EPS15: variants seen among roughly 807,000 people sequenced by gnomAD.
EPS15 encodes epidermal growth factor receptor pathway substrate 15.
In EPS15, 72 loss-of-function variants were observed where a neutral mutation model predicts 113.8. The observed-to-expected ratio is 0.63, with a 90% confidence interval of 0.52 to 0.77. The LOEUF (loss-of-function observed/expected upper bound fraction) is 0.77. Among genes scored for constraint, EPS15 ranks in the 30% least tolerant of loss-of-function variants. The probability of loss-of-function intolerance (pLI) is 0.00; values close to 1 mark genes in which losing one functional copy is unlikely to be tolerated. For missense variants in EPS15, 1,048 were observed against 1,045.8 expected (o/e 1.00, Z -0.03); for synonymous variants, 344 against 363.4 (o/e 0.95, Z 0.61).
At chr1:51,366,309 C>T (rs1278164205) in intron 21 of EPS15, among the ~76,000 whole-genome samples, 1 of 152,164 alleles carries the variant, frequency 6.6e-6, no homozygotes, top group East Asian at 1.9e-4. Context: ...TTCAAGTGAT[C>T]CTCCTGCCTC....
At chr1:51,447,997 T>C (rs1311482097) in intron 9 of EPS15, 49 bp downstream of exon 9, 2 of 1,600,790 alleles carry the variant, frequency 1.2e-6, no homozygotes, top group Admixed American at 1.7e-5. Context: ...TAAGATTCCT[T>C]GGCTGATGCT....
chr1:51,394,910 T>C (rs1326007739), intron 20 of EPS15, among the ~76,000 whole-genome samples: 3 of 152,176 alleles, frequency 2.0e-5, no homozygotes, highest in Admixed American at 2.0e-4. Flanking sequence ...CCAGCTGGAA[T>C]GCAGTGGTGT....
intron 24 of EPS15, among the ~76,000 whole-genome samples, chr1:51,359,440 C>CT (rs1456168881): frequency 2.2e-5 from 2 of 92,318 alleles, no homozygotes; most frequent in African/African-American, 4.3e-5. Context: ...AAGACTCTGT[C>CT]TTTAAAAAAA....
At position 51,368,676 on chromosome 1, in the gene EPS15, C is replaced by T. The variant is rs1357502550; in HGVS notation, c.2120-2647G>A. On this transcript the variant is annotated intron_variant, in intron 21 of 24. Coordinates refer to ENST00000371733, the MANE Select transcript of EPS15 (RefSeq NM_001981.3). ...GCAGTGGCACGATCTCGGCTCACTG[C>T]AACCTCTGCCTCCCAGATTCAAGTG... is the stretch of plus-strand genomic sequence containing the variant. 2.0e-5 allele frequency among the ~76,000 whole-genome samples: 3 copies of T among 151,378 alleles called. No individual in the cohort carries two copies. In the East Asian group the frequency reaches 5.8e-4, roughly 29 times the overall value.
intron 15 of EPS15, 61 bp from the exon 16 acceptor site, chr1:51,406,169 A>T: frequency 2.1e-6 from 3 of 1,432,750 alleles, no homozygotes; most frequent in South Asian, 2.5e-5. Flanking sequence ...TGTAACATAA[A>T]AACGCCCTCC....
At chr1:51,456,837 A>G (rs1312761307) in intron 8 of EPS15, among the ~76,000 whole-genome samples, 1 of 152,244 alleles carries the variant, frequency 6.6e-6, no homozygotes, top group Non-Finnish European at 1.5e-5. Context: ...AAAAGGATAA[A>G]GAAAGATTTA....
chr1:51,405,219 T>C (rs966896381), intron 16 of EPS15, among the ~76,000 whole-genome samples: 3 of 152,206 alleles, frequency 2.0e-5, no homozygotes, highest in Non-Finnish European at 4.4e-5. Flanking sequence ...CTGAGGTCTC[T>C]TGTCTCTGTA....
chr1:51,477,157 A>T (rs143115886), intron 2 of EPS15, among the ~76,000 whole-genome samples: 2,137 of 152,098 alleles, frequency 0.014, 52 homozygotes, highest in African/African-American at 0.049. Context: ...ATTCAGAGAT[A>T]CAACTTCTTC....
chr1:51,408,208 C>A lies in EPS15; in HGVS notation c.1400G>T (p.Ser467Ile), dbSNP rs778788955. The A allele has an allele frequency of 3.1e-6, 5 of 1,613,996 alleles. No homozygotes were observed. Among genetic ancestry groups the A allele is most frequent in the Non-Finnish European group, 4.2e-6 (5 of 1,179,968 alleles). ...CAACTGAGCCTTCCCTGACTCTACA[C>A]TCTCCTCCAATTCTGCTGTTTCTTG... ...LQQETAELEE[S>I]VESGKAQLEP... Residue 467 changes from serine to isoleucine, a missense_variant, in exon 15 of 25, where the codon AGT (serine) becomes ATT (isoleucine). By Grantham distance (142) the Ser-to-Ile change is moderately radical (BLOSUM62 -2). Transcript: ENST00000371733.
At chr1:51,440,613 T>C (rs1026843727) in intron 11 of EPS15, among the ~76,000 whole-genome samples, 181 bp from the exon 12 acceptor site, 1 of 152,130 alleles carries the variant, frequency 6.6e-6, no homozygotes, top group Admixed American at 6.5e-5. Flanking sequence ...CTTAATTATA[T>C]AGTAAGACAT....
At chr1:51,517,964 T>C (rs1470429224) in intron 1 of EPS15, among the ~76,000 whole-genome samples, 2 of 152,182 alleles carry the variant, frequency 1.3e-5, no homozygotes, top group Non-Finnish European at 2.9e-5. Flanking sequence ...GCCGAAATGT[T>C]TGCCCTATCC....
At chr1:51,419,213 A>G (rs183569622) in intron 13 of EPS15, among the ~76,000 whole-genome samples, 22 of 152,280 alleles carry the variant, frequency 1.4e-4, no homozygotes, top group African/African-American at 5.1e-4. Context: ...CCACTGGTAT[A>G]TATCTCATAC....
chr1:51,516,632 T>A (rs1644723078), intron 1 of EPS15, among the ~76,000 whole-genome samples: 1 of 152,156 alleles, frequency 6.6e-6, no homozygotes, highest in Non-Finnish European at 1.5e-5. Context: ...ATTTTTCACA[T>A]TTTTTCCCCA....
chr1:51,463,443 G>T (rs572704336), intron 7 of EPS15: 2 of 368,172 alleles, frequency 5.4e-6, no homozygotes, highest in East Asian at 4.7e-5. Context: ...TACTTAAGGG[G>T]CTTACATATG....
chr1:51,456,057 C>T (rs1168985533), intron 8 of EPS15, among the ~76,000 whole-genome samples: 1 of 151,970 alleles, frequency 6.6e-6, no homozygotes, highest in Non-Finnish European at 1.5e-5. Context: ...AAACAAGGGC[C>T]ATTCATCAAA....
At chr1:51,372,530 A>G (rs1352080359) in intron 21 of EPS15, 1 of 530,750 alleles carries the variant, frequency 1.9e-6, no homozygotes, top group Non-Finnish European at 3.8e-6. Context: ...ATGCCAAAGA[A>G]TAGTTGGGTG....
At chr1:51,363,024 G>GATTA (rs1414899236) in intron 23 of EPS15, among the ~76,000 whole-genome samples, 12 of 152,112 alleles carry the variant, frequency 7.9e-5, no homozygotes, top group Admixed American at 6.6e-5. Context: ...TTGGCCAGGT[G>GATTA]CAGTGGCTCA....
chr1:51,442,075 G>GA (rs1376542898), intron 11 of EPS15, among the ~76,000 whole-genome samples: 1 of 152,028 alleles, frequency 6.6e-6, no homozygotes, highest in Non-Finnish European at 1.5e-5. Context: ...AGCTTTGTAT[G>GA]AAATATACCT....
Position 51,362,813 on chromosome 1 carries a change from A to T in EPS15, c.2359+1053T>A, listed in dbSNP as rs74080566. Among the ~76,000 whole-genome samples the T allele has an allele frequency of 8.6e-3, 1,304 of 152,280 alleles. 15 individuals carry two copies. The highest frequency in any genetic ancestry group is 0.029 in the African/African-American group (1,218 of 41,550). On this transcript the variant is annotated intron_variant, in intron 23 of 24. Transcript: ENST00000371733. ...AGGAATGAGGTATGATTTAAAAAAA[A>T]ATATACTAAGATGTGTCTTCTCACA...
Sources: gnomAD v4.1 joint callset for allele counts (sites outside exome capture counted in the v4.1 genomes callset) on GRCh38, gnomAD v4.1.1 for gene constraint, MANE v1.5 for transcripts, NCBI Gene and HGNC (gene_info 2026-07-23, HGNC 2026-07-21) for gene names.